The following ACADVL variants were observed in gnomAD, a reference collection of about 807,000 sequenced individuals.
ACADVL encodes the protein acyl-CoA dehydrogenase very long chain, also known as very long-chain acyl-CoA dehydrogenase, mitochondrial.
A neutral mutation model predicts 80.4 loss-of-function variants in ACADVL; 73 were observed. That is an observed-to-expected ratio of 0.91 (90% CI 0.75 to 1.10). The LOEUF (loss-of-function observed/expected upper bound fraction) is 1.10. Among genes scored for constraint, ACADVL ranks in the 50% least tolerant of loss-of-function variants. The pLI is 0.00. For synonymous variants in ACADVL, 392 were observed against 326.5 expected (o/e 1.20, Z -2.16); for missense variants, 878 against 858.9 (o/e 1.02, Z -0.28).
chr17:7,222,560 C>A, intron 9 of ACADVL, 107 bp from the exon 10 acceptor site: 1 of 1,275,772 alleles, frequency 7.8e-7, no homozygotes, highest in Non-Finnish European at 1.1e-6. Context: ...CTCTAATAGT[C>A]TAGTGGTCGT....
At chr17:7,221,144 G>C in intron 6 of ACADVL, 86 bp downstream of exon 6, 5 of 1,599,166 alleles carry the variant, frequency 3.1e-6, no homozygotes, top group Non-Finnish European at 4.3e-6. Flanking sequence ...AGAGACTAGG[G>C]CTAAGGTCTC....
chr17:7,223,299 C>G, intron 11 of ACADVL, 62 bp downstream of exon 11: 1 of 1,454,478 alleles, frequency 6.9e-7, no homozygotes. Context: ...TCGGGTCAGA[C>G]TACAACCCCC....
At chr17:7,219,935 G>GCGGGCGTGCAGGACC, upstream of ACADVL, 3 of 1,577,922 alleles carry the variant, frequency 1.9e-6, 1 homozygote, top group South Asian at 3.4e-5. Flanking sequence ...CGTGCAGGAC[G>GCGGGCGTGCAGGACC]CCAGAGCTGG....
rs2071264706 is a variant in ACADVL at position 7,222,193 on chromosome 17, GA to G, written c.770del (p.Asp257AlafsTer19). On this transcript the variant is annotated frameshift_variant, in exon 9 of 20. Coordinates refer to ENST00000356839, the MANE Select transcript of ACADVL (RefSeq NM_000018.4). LOFTEE classifies it high-confidence loss of function. ...KLWISNGGLA[D>X]IFTVFAKTPV... ...CTTCCACAGTAATGGGGGCCTAGCA[GA>G]CATCTTCACGGTCTTTGCCAAGACA... 6.2e-7 allele frequency: 1 copy of G among 1,614,060 alleles called. No homozygotes were observed. Among genetic ancestry groups the G allele is most frequent in the Non-Finnish European group, 8.5e-7 (1 of 1,180,040 alleles).
In ACADVL at chr17:7,224,897, G is replaced by A. The variant is rs1437066155; in HGVS notation, c.1827+13G>A. The A allele has an allele frequency of 1.2e-6, 2 of 1,613,866 alleles. No homozygotes were observed. Among genetic ancestry groups the A allele is most frequent in the Non-Finnish European group, 1.7e-6 (2 of 1,180,026 alleles). On this transcript the variant is annotated intron_variant, in intron 19 of 19. Coordinates refer to ENST00000356839, the MANE Select transcript of ACADVL (RefSeq NM_000018.4). Reference sequence around the variant, plus strand: ...CTGGTGTATCGAGGTGAGACTCGGGGCTGCCAAGCTCAGGTGAGGGCTGGA... The same window carrying A: ...CTGGTGTATCGAGGTGAGACTCGGGACTGCCAAGCTCAGGTGAGGGCTGGA...
chr17:7,224,817 G>A lies in ACADVL; in HGVS notation c.1760G>A (p.Arg587Lys). 5 of 1,613,970 alleles carry A rather than the reference G, an allele frequency of 3.1e-6. No homozygotes were observed. The highest frequency in any genetic ancestry group is 8.5e-7 in the Non-Finnish European group (1 of 1,180,014). Residue 587 changes from arginine (R) to lysine (K), a missense_variant, in exon 19 of 20, where the codon AGA becomes AAA. Physicochemically the swap from Arg to Lys is conservative, Grantham distance 26. Transcript: ENST00000356839. ...AMVVVLSRASRSLSEGHPTAQ... is the reference protein window; with the variant it reads ...AMVVVLSRASKSLSEGHPTAQ... Reference sequence around the variant, plus strand: ...CTCCTGCTTCCTGCCAGGGCCTCAAGATCCCTGAGTGAGGGCCACCCCACG... The same window carrying A: ...CTCCTGCTTCCTGCCAGGGCCTCAAAATCCCTGAGTGAGGGCCACCCCACG...
Position 7,220,496 on chromosome 17 carries a change from T to A in ACADVL, c.171T>A (p.Ser57=). ...TGGACAAGTCAGATTCCCACCCCTC[T>A]GACGCTCTGACCAGGAAAAAACCGG... is the stretch of plus-strand genomic sequence containing the variant. ...LALDKSDSHP[S]DALTRKKPAK... The change falls in exon 3 of 20, where the codon TCT becomes TCA. Residue 57 remains serine (S), a synonymous_variant. Transcript: ENST00000356839. 2 of 1,614,196 alleles carry A rather than the reference T, an allele frequency of 1.2e-6. No homozygotes were observed. Among genetic ancestry groups the A allele is most frequent in the Non-Finnish European group, 1.7e-6 (2 of 1,180,024 alleles).
At chr17:7,222,499 T>C (rs1463536955) in intron 9 of ACADVL, 168 bp from the exon 10 acceptor site, 21 of 1,128,072 alleles carry the variant, frequency 1.9e-5, no homozygotes, top group Non-Finnish European at 2.5e-5. Context: ...AAATAGGACA[T>C]AGCCAGGCCT....
rs147357106 is a variant in ACADVL, at chr17:7,220,663, C to T, written c.264C>T (p.Phe88=). The change falls in exon 4 of 20, where the codon TTC becomes TTT. Residue 88 remains phenylalanine, a synonymous_variant. Transcript: ENST00000356839. ...GCCAGCTCACCACAGATCAGGTGTT[C>T]CCATACCCGTCCGGTAAGGGAAGGG... ...FKGQLTTDQV[F]PYPSVLNEEQ... 1.2e-5 allele frequency: 19 copies of T among 1,614,072 alleles called. No individual in the cohort carries two copies. The African/African-American group carries it at 2.1e-4, about 18-fold the overall frequency.
Position 7,222,393 on chromosome 17 carries a change from T to G in ACADVL, c.878+91T>G, listed in dbSNP as rs1334036156. ...TGTTGCAAGTCACCCTGGGGACGTG[T>G]GCAAAAGCCAAAGCAGGTGGACTGA... On this transcript the variant is annotated intron_variant, in intron 9 of 19. Coordinates refer to ENST00000356839, the MANE Select transcript of ACADVL (RefSeq NM_000018.4). The G allele has an allele frequency of 1.9e-6, 3 of 1,546,718 alleles. No individual in the cohort carries two copies. The Admixed American group carries it at 5.5e-5, about 28-fold the overall frequency.
chr17:7,222,736 G>C lies in ACADVL; in HGVS notation c.948G>C (p.Arg316=). 6.2e-7 allele frequency: 1 copy of C among 1,614,122 alleles called. No homozygotes were observed. The highest frequency in any genetic ancestry group is 8.5e-7 in the Non-Finnish European group (1 of 1,180,018). The part of the protein sequence containing the change: ...NTAEVFFDGV[R]VPSENVLGEV... ...CAGAGGTGTTCTTTGATGGAGTACG[G>C]GTGCCATCGGAGAACGTGCTGGGTG... Residue 316 remains arginine (R), a synonymous_variant, in exon 10 of 20, where the codon CGG becomes CGC. Transcript: ENST00000356839.
upstream of ACADVL, chr17:7,219,392 G>C: frequency 2.0e-6 from 2 of 1,014,780 alleles, no homozygotes; most frequent in Non-Finnish European, 2.4e-6. Context: ...AGTGAATCTG[G>C]GGGGGTCTTC....
intron 11 of ACADVL, 101 bp downstream of exon 11, chr17:7,223,338 C>A: frequency 1.8e-6 from 2 of 1,111,202 alleles, no homozygotes; most frequent in Non-Finnish European, 2.8e-6. Flanking sequence ...GGGTCTCCAG[C>A]TTTACACCAA....
rs387906251 is a variant in ACADVL at position 7,220,964 on chromosome 17, TGGA to T, written c.388_390del (p.Glu130del). 5.6e-6 allele frequency: 9 copies of T among 1,613,894 alleles called. No homozygotes were observed. Among genetic ancestry groups the T allele is most frequent in the Non-Finnish European group, 4.2e-6 (5 of 1,180,022 alleles). ...GCCAAGAATGACGCTCTGGAGATGG[TGGA>T]GGAGACCACTTGGCAGGGCCTCAAG... On this transcript the variant is annotated inframe_deletion, in exon 6 of 20. Transcript: ENST00000356839.
chr17:7,223,253 G>A lies in ACADVL; in HGVS notation c.1182+16G>A. 6.2e-7 allele frequency: 1 copy of A among 1,600,940 alleles called. No individual in the cohort carries two copies. The highest frequency in any genetic ancestry group is 2.2e-5 in the East Asian group (1 of 44,816). On this transcript the variant is annotated intron_variant, in intron 11 of 19. Transcript: ENST00000356839. ...TGTAACTGAGGTGAGGGCCTCCCAA[G>A]CCCCTCTCCCTGGAGCCCTGGGGCT...
upstream of ACADVL, chr17:7,217,586 C>T (rs915054820): frequency 5.2e-6 from 7 of 1,347,836 alleles, no homozygotes; most frequent in South Asian, 2.9e-5. Flanking sequence ...CGGCAGCGGC[C>T]GAGGGAGCCG....
chr17:7,222,330 A>T lies in ACADVL; in HGVS notation c.878+28A>T, dbSNP rs770211622. The T allele has an allele frequency of 3.1e-6, 5 of 1,610,654 alleles. No homozygotes were observed. In the African/African-American group the frequency reaches 6.7e-5, roughly 22 times the overall value. On this transcript the variant is annotated intron_variant, in intron 9 of 19. Transcript: ENST00000356839. Reference sequence around the variant, plus strand: ...GAGTGAATTTGGGTTGGGGGAGCTTAGGACTGAGGGGCAGGACTGGGCTCC... The same window carrying T: ...GAGTGAATTTGGGTTGGGGGAGCTTTGGACTGAGGGGCAGGACTGGGCTCC...
rs767941627 is a variant in ACADVL, at chr17:7,224,180, C to G, written c.1469C>G (p.Ala490Gly). 3.1e-6 allele frequency: 5 copies of G among 1,614,136 alleles called. No homozygotes were observed. Among genetic ancestry groups the G allele is most frequent in the Non-Finnish European group, 4.2e-6 (5 of 1,180,032 alleles). ...KGKELSGLGS[A>G]LKNPFGNAGL... Reference sequence around the variant, plus strand: ...AAGGAGCTCTCTGGGCTTGGCAGTGCTCTAAAGAATCCCTTTGGGAATGCT... The same window carrying G: ...AAGGAGCTCTCTGGGCTTGGCAGTGGTCTAAAGAATCCCTTTGGGAATGCT... Residue 490 changes from alanine to glycine, a missense_variant, in exon 15 of 20, where the codon GCT becomes GGT. Coordinates refer to ENST00000356839, the MANE Select transcript of ACADVL (RefSeq NM_000018.4).
At position 7,221,232 on chromosome 17, in the gene ACADVL, A is replaced by G. The variant is rs2071200148; in HGVS notation, c.477+174A>G. ...TAACACAATTTACATGCAGTCCCCT[A>G]GGCCTGAGCCATGGGCCTCACCCTG... On this transcript the variant is annotated intron_variant, in intron 6 of 19. Transcript: ENST00000356839. 25 of 1,172,270 alleles carry G rather than the reference A, an allele frequency of 2.1e-5. 1 individual carries two copies. The highest frequency in any genetic ancestry group is 3.0e-5 in the Non-Finnish European group (25 of 832,490). The allele number at this position is 1,172,270 out of a possible 1,614,324, so 72.6% of individuals were successfully genotyped here.
Sources: allele counts gnomAD v4.1 joint callset, GRCh38; gene constraint gnomAD v4.1.1; transcripts MANE v1.5; gene names NCBI Gene and HGNC (gene_info 2026-07-23, HGNC 2026-07-21).